Variants in CC2D2B observed in about 807,000 individuals in gnomAD.
CC2D2B encodes the protein coiled-coil and C2 domain containing 2B.
A neutral mutation model predicts 161.2 loss-of-function variants in CC2D2B; 128 were observed. That is an observed-to-expected ratio of 0.79 (90% CI 0.69 to 0.92). The LOEUF (loss-of-function observed/expected upper bound fraction) is 0.92, where lower values mean the gene tolerates loss of function less well. Ranked by LOEUF, CC2D2B falls within the 40% of genes least tolerant of loss-of-function variation. The probability of loss-of-function intolerance (pLI) is 0.00; values close to 1 mark genes in which losing one functional copy is unlikely to be tolerated. For missense variants in CC2D2B, 1,173 were observed against 1,375.1 expected, an observed-to-expected ratio of 0.85 and a Z score of 2.32; for synonymous variants, 391 against 449.8, an observed-to-expected ratio of 0.87 and a Z score of 1.65.
rs781532595 is a variant in CC2D2B, at chr10:95,996,160, C to T, written c.2757C>T (p.Phe919=). ...ETLHEDTVHP[F]VEVSFQHTVY... Reference sequence around the variant, plus strand: ...TGTTTCAGGATACTGTACATCCATTCGTGGAAGTTTCTTTCCAGCACACTG... The same window carrying T: ...TGTTTCAGGATACTGTACATCCATTTGTGGAAGTTTCTTTCCAGCACACTG... Residue 919 remains phenylalanine, a synonymous_variant, in exon 24 of 35, where the codon TTC becomes TTT. Transcript: ENST00000646931. 1.3e-5 allele frequency: 19 copies of T among 1,486,294 alleles called. No homozygotes were observed. The highest frequency in any genetic ancestry group is 2.5e-5 in the East Asian group (1 of 40,418). 92.1% of individuals were successfully genotyped at this position (1,486,294 alleles called of 1,614,324 possible).
In CC2D2B at chr10:96,004,390, C is replaced by A; in HGVS notation, c.2946+142C>A. 7.4e-6 allele frequency: 4 copies of A among 541,390 alleles called. No individual in the cohort carries two copies. In the South Asian group the frequency reaches 1.3e-4, roughly 18 times the overall value. 33.5% of individuals were successfully genotyped at this position (541,390 alleles called of 1,614,324 possible). A position where few individuals can be genotyped will look rare whatever the true frequency, so the allele number is the denominator to read the frequency against. ...TCTTGAAAGGATTTGAGGCAATTTG[C>A]AATAAAATCAGACATATAACAAGTC... On this transcript the variant is annotated intron_variant, in intron 25 of 34. Coordinates refer to ENST00000646931, the MANE Select transcript of CC2D2B (RefSeq NM_001349008.3).
In CC2D2B at chr10:96,027,342, T is replaced by G; in HGVS notation, c.4078T>G (p.Ser1360Ala). Residue 1360 changes from serine (S) to alanine (A), a missense_variant, in exon 34 of 35, where the codon TCA (serine) becomes GCA (alanine). Ser to Ala is a moderately conservative substitution (Grantham distance 99). This residue lies in a region of CC2D2B where 598 missense variants were observed against 693.2 expected (regional missense o/e 0.86). Transcript: ENST00000646931. The stretch of plus-strand genomic sequence containing the variant: ...GGAATTTGGCATAGGAAGCTTTGTT[T>G]CATCTGAAGGAGATAATGAATTTGA... Reference protein sequence around the residue: ...KLEFGIGSFVSSEGDNEFERI... With the variant: ...KLEFGIGSFVASEGDNEFERI... 2 of 1,550,936 alleles carry G rather than the reference T, an allele frequency of 1.3e-6. No homozygotes were observed. Among genetic ancestry groups the G allele is most frequent in the Non-Finnish European group, 1.7e-6 (2 of 1,146,680 alleles).
chr10:96,000,383 A>T (rs778386134), intron 24 of CC2D2B: 6 of 315,958 alleles, frequency 1.9e-5, no homozygotes, highest in Non-Finnish European at 2.7e-5. Context: ...TTTATCTTTG[A>T]GGCGGAGTCT....
At chr10:95,949,514 G>T in intron 9 of CC2D2B, among the ~76,000 whole-genome samples, 1 of 111,242 alleles carries the variant, frequency 9.0e-6, no homozygotes, top group Non-Finnish European at 1.8e-5. Flanking sequence ...TGGTGGGGTC[G>T]GGGGAGGGGG....
chr10:95,993,849 TATAGAGAGAGAG>T (rs1280229402), intron 22 of CC2D2B, among the ~76,000 whole-genome samples: 11 of 101,846 alleles, frequency 1.1e-4, no homozygotes, highest in Non-Finnish European at 1.9e-4. Context: ...TATATATATA[TATAGAGAGAGAG>T]AGAGAGAGAG....
At chr10:95,944,159 G>A (rs2076116590) in intron 9 of CC2D2B, among the ~76,000 whole-genome samples, 1 of 152,056 alleles carries the variant, frequency 6.6e-6, no homozygotes, top group Non-Finnish European at 1.5e-5. Context: ...TGCTTTTAGG[G>A]TCCTAATATA....
intron 16 of CC2D2B, among the ~76,000 whole-genome samples, chr10:95,973,313 T>C (rs556066275): frequency 2.6e-5 from 4 of 152,200 alleles, no homozygotes; most frequent in African/African-American, 9.6e-5. Flanking sequence ...TGTTAAACTC[T>C]TTGGAGATTA....
chr10:96,009,928 G>A lies in CC2D2B; in HGVS notation c.3045+5G>A. The A allele has an allele frequency of 6.4e-7, 1 of 1,568,300 alleles. No homozygotes were observed. Among genetic ancestry groups the A allele is most frequent in the Non-Finnish European group, 8.8e-7 (1 of 1,142,380 alleles). Reference sequence around the variant, plus strand: ...GCTCTTCTGCAACAATCTGAGGTAAGAGAAAATGCTTCTTTGCTCATTCTA... The same window carrying A: ...GCTCTTCTGCAACAATCTGAGGTAAAAGAAAATGCTTCTTTGCTCATTCTA... On this transcript the variant is annotated splice_donor_5th_base_variant and intron_variant, in intron 26 of 34. Coordinates refer to ENST00000646931, the MANE Select transcript of CC2D2B (RefSeq NM_001349008.3).
At chr10:96,029,233 T>C (rs1590952585) in intron 34 of CC2D2B, among the ~76,000 whole-genome samples, 1 of 120,340 alleles carries the variant, frequency 8.3e-6, no homozygotes, top group East Asian at 2.7e-4. Flanking sequence ...AAATATCTTT[T>C]CATGTACCAT....
chr10:95,940,031 C>T (rs551804603), intron 9 of CC2D2B, among the ~76,000 whole-genome samples: 1 of 152,256 alleles, frequency 6.6e-6, no homozygotes, highest in East Asian at 1.9e-4. Flanking sequence ...ATGATGCTGG[C>T]ATCTGCTTGG....
chr10:95,981,140 T>C (rs1377921632), intron 17 of CC2D2B, among the ~76,000 whole-genome samples: 5 of 152,172 alleles, frequency 3.3e-5, no homozygotes, highest in Admixed American at 2.6e-4. Context: ...ATGCCTGTAA[T>C]CCCAGCACTT....
At chr10:95,967,935 T>C (rs2076997823) in intron 14 of CC2D2B, among the ~76,000 whole-genome samples, 1 of 152,186 alleles carries the variant, frequency 6.6e-6, no homozygotes, top group Non-Finnish European at 1.5e-5. Flanking sequence ...CCACCCAGCC[T>C]TCTCCCTTCT....
rs868467062 is a variant in CC2D2B, at chr10:95,926,844, G to C, written c.241-393G>C. On this transcript the variant is annotated intron_variant, in intron 5 of 34. Coordinates refer to ENST00000646931, the MANE Select transcript of CC2D2B (RefSeq NM_001349008.3). ...TGTGTGTGTGTGTGTGTGTGTGTGT[G>C]TGTCTGTGTGTGTGTGTGTGTGTGT... is the stretch of plus-strand genomic sequence containing the variant. Among the ~76,000 whole-genome samples, 1,283 of 143,566 alleles carry C rather than the reference G, an allele frequency of 8.9e-3. 7 individuals are homozygous for C. Among genetic ancestry groups the C allele is most frequent in the African/African-American group, 0.016 (602 of 38,778 alleles). The allele number at this position is 143,566 out of a possible 152,430, so 94.2% of individuals were successfully genotyped here.
intron 10 of CC2D2B, among the ~76,000 whole-genome samples, chr10:95,951,756 A>G (rs2076407959): frequency 6.6e-6 from 1 of 152,192 alleles, no homozygotes; most frequent in South Asian, 2.1e-4. Flanking sequence ...ATTAAAGTAT[A>G]TATAGACTCT....
At chr10:95,909,611 G>C (rs2098502444) in intron 1 of CC2D2B, among the ~76,000 whole-genome samples, 1 of 152,146 alleles carries the variant, frequency 6.6e-6, no homozygotes, top group Non-Finnish European at 1.5e-5. Flanking sequence ...AGAGCCAGGG[G>C]AAGATTAAAG....
At position 96,016,306 on chromosome 10, in the gene CC2D2B, G is replaced by A. The variant is rs547511113; in HGVS notation, c.3622G>A (p.Val1208Met). The A allele has an allele frequency of 3.1e-6, 5 of 1,588,642 alleles. No homozygotes were observed. The highest frequency in any genetic ancestry group is 4.3e-6 in the Non-Finnish European group (5 of 1,156,874). Residue 1208 changes from valine (V) to methionine (M), a missense_variant, in exon 30 of 35, where the codon GTG becomes ATG. Coordinates refer to ENST00000646931, the MANE Select transcript of CC2D2B (RefSeq NM_001349008.3). ...GGCACTGGTCCTCTTGGGAACGTCAGTGTTAGAAGTAAGTGCTGGAGTTCA... is the reference window on the plus strand; with the variant it reads ...GGCACTGGTCCTCTTGGGAACGTCAATGTTAGAAGTAAGTGCTGGAGTTCA... The part of the protein sequence containing the change: ...KKALVLLGTS[V>M]LEGHVAYVVT...
chr10:95,921,802 TG>T (rs1177536160), intron 2 of CC2D2B, among the ~76,000 whole-genome samples: 1 of 25,894 alleles, frequency 3.9e-5, no homozygotes, highest in African/African-American at 1.6e-4. Context: ...TGTCAGAGGG[TG>T]GGGGGCTGGG....
intron 15 of CC2D2B, among the ~76,000 whole-genome samples, chr10:95,969,759 C>CA (rs903341732): frequency 3.0e-4 from 43 of 145,350 alleles, no homozygotes; most frequent in South Asian, 8.7e-4. Context: ...ATTCCTAATA[C>CA]AAAAAAAAAA....
rs1348899900 is a variant in CC2D2B at position 95,922,007 on chromosome 10, T to C, written c.37-9T>C. ...GATGCAAGTTTAACCCTCCCTGCTTTTTTTGCAGATGTCAGAAGAGATGGA... is the reference window on the plus strand; with the variant it reads ...GATGCAAGTTTAACCCTCCCTGCTTCTTTTGCAGATGTCAGAAGAGATGGA... On this transcript the variant is annotated splice_polypyrimidine_tract_variant and intron_variant, in intron 2 of 34. Coordinates refer to ENST00000646931, the MANE Select transcript of CC2D2B (RefSeq NM_001349008.3). The C allele has an allele frequency of 1.3e-6, 2 of 1,511,898 alleles. No homozygotes were observed. Among genetic ancestry groups the C allele is most frequent in the Admixed American group, 2.2e-5 (1 of 46,486 alleles). 93.7% of individuals were successfully genotyped at this position (1,511,898 alleles called of 1,614,324 possible).
Sources: allele counts gnomAD v4.1 joint callset (sites outside exome capture counted in the v4.1 genomes callset), GRCh38; gene constraint gnomAD v4.1.1; regional missense constraint gnomAD v4.1.1; transcripts MANE v1.5; gene names NCBI Gene and HGNC (gene_info 2026-07-23, HGNC 2026-07-21).